The following ADAMTSL1 variants were observed in gnomAD, a reference collection of about 807,000 sequenced individuals.
The protein encoded by ADAMTSL1 is ADAMTS-like protein 1.
A neutral mutation model predicts 201.8 loss-of-function variants in ADAMTSL1; 126 were observed. That is an observed-to-expected ratio of 0.62 (90% confidence interval 0.54 to 0.72). ADAMTSL1 has a LOEUF of 0.72. Ranked by LOEUF, ADAMTSL1 falls within the 30% of genes least tolerant of loss-of-function variation. The pLI, the probability that ADAMTSL1 is intolerant of heterozygous loss-of-function variation, is 0.00. For synonymous variants in ADAMTSL1, 1,121 were observed against 903.4 expected, an observed-to-expected ratio of 1.24 and a Z score of -4.32; for missense variants, 2,679 against 2,277.8, an observed-to-expected ratio of 1.18 and a Z score of -3.59.
intron 1 of ADAMTSL1, among the ~76,000 whole-genome samples, chr9:17,967,301 C>T (rs1397224641): frequency 6.6e-6 from 1 of 152,176 alleles, no homozygotes. Context: ...GTAATTTGTA[C>T]TCCTGCCACA....
intron 2 of ADAMTSL1, among the ~76,000 whole-genome samples, chr9:18,224,611 A>G (rs756889973): frequency 3.3e-5 from 5 of 152,138 alleles, no homozygotes; most frequent in African/African-American, 4.8e-5. Flanking sequence ...TCATTCCAGC[A>G]TCAACTTTAA....
intron 2 of ADAMTSL1, among the ~76,000 whole-genome samples, chr9:18,524,428 T>C (rs1818902787): frequency 6.6e-6 from 1 of 152,168 alleles, no homozygotes; most frequent in Non-Finnish European, 1.5e-5. Flanking sequence ...TGAATACCCT[T>C]TATTTCTTTC....
chr9:18,259,825 A>G (rs2244328), intron 2 of ADAMTSL1, among the ~76,000 whole-genome samples: 14,229 of 152,152 alleles, frequency 0.094, 2,008 homozygotes, highest in African/African-American at 0.31. Flanking sequence ...ATTCCTATTC[A>G]TGCTGGTTTT....
chr9:18,613,748 G>A lies in ADAMTSL1; in HGVS notation c.475-8495G>A, dbSNP rs1825530700. Reference sequence around the variant, plus strand: ...CCTACTTAAGGGTGAAGGGTGAGAGGAGGGACAGGATCAGAAAAAAACTAT... The same window carrying A: ...CCTACTTAAGGGTGAAGGGTGAGAGAAGGGACAGGATCAGAAAAAAACTAT... On this transcript the variant is annotated intron_variant, in intron 4 of 28. Transcript: ENST00000380548. 3.9e-5 allele frequency among the ~76,000 whole-genome samples: 6 copies of A among 152,272 alleles called. No individual in the cohort carries two copies. In the South Asian group the frequency reaches 1.2e-3, roughly 32 times the overall value.
intron 23 of ADAMTSL1, among the ~76,000 whole-genome samples, chr9:18,885,748 AATGAAGGGGAAAAAAAT>A (rs1356878057): frequency 6.6e-6 from 1 of 152,140 alleles, no homozygotes; most frequent in Non-Finnish European, 1.5e-5. Context: ...GAAAAACAAA[AATGAAGGGGAAAAAAAT>A]AAGTGAGCAA....
At chr9:18,527,510 G>T (rs947207770) in intron 2 of ADAMTSL1, among the ~76,000 whole-genome samples, 6 of 152,064 alleles carry the variant, frequency 3.9e-5, no homozygotes, top group African/African-American at 1.4e-4. Flanking sequence ...TATGAGAAGG[G>T]GGATGGGGGA....
intron 23 of ADAMTSL1, among the ~76,000 whole-genome samples, chr9:18,885,833 A>G (rs542871558): frequency 3.3e-5 from 5 of 152,212 alleles, no homozygotes; most frequent in African/African-American, 1.2e-4. Context: ...TGGGGGAAAG[A>G]ACACGGTCCA....
At chr9:18,779,524 T>C (rs965028535) in intron 19 of ADAMTSL1, among the ~76,000 whole-genome samples, 4 of 152,292 alleles carry the variant, frequency 2.6e-5, no homozygotes, top group African/African-American at 4.8e-5. Context: ...GGGACAGAGG[T>C]TGGACCCACA....
intron 15 of ADAMTSL1, among the ~76,000 whole-genome samples, chr9:18,729,914 A>T (rs1478876126): frequency 6.6e-6 from 1 of 152,210 alleles, no homozygotes; most frequent in Non-Finnish European, 1.5e-5. Context: ...TGGAAATATC[A>T]CCAGCAGATA....
rs866444779 is a variant in ADAMTSL1, at chr9:18,739,899, C to G, written c.2007-13399C>G. 5.1e-3 allele frequency among the ~76,000 whole-genome samples: 750 copies of G among 148,236 alleles called. 8 individuals carry two copies. Among genetic ancestry groups the G allele is most frequent in the African/African-American group, 0.017 (701 of 40,154 alleles). On this transcript the variant is annotated intron_variant, in intron 15 of 28. Transcript: ENST00000380548. ...GTATATGTGTGTACATGTCTACTAT[C>G]TGTGTGTGTGTGTGTGTGTGTGTGT...
At chr9:18,447,426 T>G (rs139276166) in intron 2 of ADAMTSL1, among the ~76,000 whole-genome samples, 1 of 152,218 alleles carries the variant, frequency 6.6e-6, no homozygotes, top group Non-Finnish European at 1.5e-5. Context: ...GTGTCATTAC[T>G]CATTGAAATA....
At chr9:18,518,138 CA>C (rs1484435951) in intron 2 of ADAMTSL1, among the ~76,000 whole-genome samples, 1 of 152,122 alleles carries the variant, frequency 6.6e-6, no homozygotes, top group Admixed American at 6.5e-5. Context: ...AAATAATTGT[CA>C]AAAAATATTT....
At chr9:17,947,350 A>C (rs1019471157) in intron 1 of ADAMTSL1, among the ~76,000 whole-genome samples, 1 of 128,192 alleles carries the variant, frequency 7.8e-6, no homozygotes, top group Non-Finnish European at 1.7e-5. Flanking sequence ...CACACACCCC[A>C]CTATGCACTT....
intron 1 of ADAMTSL1, among the ~76,000 whole-genome samples, chr9:18,075,981 T>A (rs557353604): frequency 1.3e-5 from 2 of 152,208 alleles, no homozygotes; most frequent in Non-Finnish European, 2.9e-5. Flanking sequence ...ACCTAAGTAA[T>A]AGCATCTAAA....
intron 7 of ADAMTSL1, among the ~76,000 whole-genome samples, chr9:18,640,729 C>T (rs78265138): frequency 0.043 from 6,566 of 152,036 alleles, 194 homozygotes; most frequent in South Asian, 0.086. Flanking sequence ...CCCTGATTTT[C>T]CCTTCTATAT....
chr9:18,388,924 T>C (rs1587047002), intron 2 of ADAMTSL1, among the ~76,000 whole-genome samples: 1 of 152,130 alleles, frequency 6.6e-6, no homozygotes, highest in East Asian at 1.9e-4. Flanking sequence ...ACCCGGCTAA[T>C]TTTTGTACTT....
At chr9:18,457,703 G>T (rs1239173349) in intron 2 of ADAMTSL1, among the ~76,000 whole-genome samples, 1 of 152,206 alleles carries the variant, frequency 6.6e-6, no homozygotes, top group Non-Finnish European at 1.5e-5. Context: ...AGTAGTATGG[G>T]TTCTGAGTCA....
intron 7 of ADAMTSL1, among the ~76,000 whole-genome samples, chr9:18,653,277 A>G (rs1319988923): frequency 6.6e-6 from 1 of 152,112 alleles, no homozygotes; most frequent in Non-Finnish European, 1.5e-5. Flanking sequence ...AGCTCTGGTC[A>G]TTGGTTTCCT....
chr9:18,171,145 G>A (rs1827870245), intron 2 of ADAMTSL1, among the ~76,000 whole-genome samples: 1 of 151,994 alleles, frequency 6.6e-6, no homozygotes, highest in South Asian at 2.1e-4. Context: ...TTAAAACAGT[G>A]TGATATTAGA....
Sources: gnomAD v4.1 joint callset for allele counts (sites outside exome capture counted in the v4.1 genomes callset) on GRCh38, gnomAD v4.1.1 for gene constraint, MANE v1.5 for transcripts, NCBI Gene and HGNC (gene_info 2026-07-23, HGNC 2026-07-21) for gene names.